FHL2: variants seen among roughly 807,000 people sequenced by gnomAD.
FHL2 encodes the protein four and a half LIM domains protein 2.
FHL2 carries 20 observed loss-of-function variants against 32.7 expected under a neutral mutation model. The ratio of observed to expected loss-of-function variants is 0.61; its 90% CI spans 0.43 to 0.89. The LOEUF (loss-of-function observed/expected upper bound fraction) is 0.89, where lower values mean the gene tolerates loss of function less well. Among genes scored for constraint, FHL2 ranks in the 40% least tolerant of loss-of-function variants. The probability of loss-of-function intolerance (pLI) is 0.00; values close to 1 mark genes in which losing one functional copy is unlikely to be tolerated. For missense variants in FHL2, 311 were observed against 358.6 expected, an observed-to-expected ratio of 0.87 and a Z score of 1.07; for synonymous variants, 123 against 128.1, an observed-to-expected ratio of 0.96 and a Z score of 0.27.
chr2:105,418,252 C>T (rs1345427625), intron 1 of FHL2, among the ~76,000 whole-genome samples: 2 of 152,068 alleles, frequency 1.3e-5, no homozygotes, highest in African/African-American at 2.4e-5. Flanking sequence ...TAGTGCTGGG[C>T]TTGTTAAGCT....
At chr2:105,426,224 G>A (rs1319400778) in intron 1 of FHL2, among the ~76,000 whole-genome samples, 2 of 152,182 alleles carry the variant, frequency 1.3e-5, no homozygotes, top group African/African-American at 4.8e-5. Flanking sequence ...CCATAAGGAA[G>A]TGAGAAGAAA....
At chr2:105,362,689 G>A (rs570564645) in intron 6 of FHL2, among the ~76,000 whole-genome samples, 33 of 152,206 alleles carry the variant, frequency 2.2e-4, no homozygotes, top group Non-Finnish European at 4.4e-4. Flanking sequence ...GGACTTTAGT[G>A]TGAACTCCTC....
At chr2:105,437,895 A>G (rs1684659777) in intron 1 of FHL2, among the ~76,000 whole-genome samples, 1 of 152,154 alleles carries the variant, frequency 6.6e-6, no homozygotes, top group African/African-American at 2.4e-5. Context: ...GCATAAACAC[A>G]CTTTCCCAGA....
At chr2:105,433,478 G>A (rs1025073797) in intron 1 of FHL2, among the ~76,000 whole-genome samples, 12 of 152,266 alleles carry the variant, frequency 7.9e-5, no homozygotes, top group East Asian at 5.8e-4. Context: ...CACCGCGCCC[G>A]GCTTCATTTT....
intron 1 of FHL2, among the ~76,000 whole-genome samples, chr2:105,414,842 T>G (rs1414779479): frequency 6.6e-6 from 1 of 152,220 alleles, no homozygotes; most frequent in Non-Finnish European, 1.5e-5. Flanking sequence ...TGTGAGCCAC[T>G]GTGCCTGGCC....
chr2:105,419,585 T>C (rs1208837998), intron 1 of FHL2, among the ~76,000 whole-genome samples: 1 of 152,214 alleles, frequency 6.6e-6, no homozygotes, highest in African/African-American at 2.4e-5. Context: ...ACCTCACCAA[T>C]ATCACCCTTA....
intron 1 of FHL2, among the ~76,000 whole-genome samples, chr2:105,437,673 C>T (rs1490590962): frequency 6.6e-6 from 1 of 152,024 alleles, no homozygotes; most frequent in Non-Finnish European, 1.5e-5. Flanking sequence ...TGGAGTCTGG[C>T]TAGAGGATGT....
chr2:105,435,249 T>G, intron 1 of FHL2, among the ~76,000 whole-genome samples: 1 of 152,212 alleles, frequency 6.6e-6, no homozygotes, highest in East Asian at 1.9e-4. Flanking sequence ...TTTGAGCTAT[T>G]GCACTGTTTA....
intron 1 of FHL2, among the ~76,000 whole-genome samples, chr2:105,431,996 T>C (rs895782872): frequency 1.3e-5 from 2 of 152,248 alleles, no homozygotes; most frequent in East Asian, 1.9e-4. Context: ...TCAGTCCTTC[T>C]ACCCAACTTT....
intron 4 of FHL2, among the ~76,000 whole-genome samples, chr2:105,369,022 G>A (rs1337661475): frequency 6.6e-6 from 1 of 152,110 alleles, no homozygotes; most frequent in East Asian, 1.9e-4. Context: ...GCAGCTGTGT[G>A]CAGTTGTGCA....
chr2:105,413,004 G>C (rs945459840), intron 1 of FHL2, among the ~76,000 whole-genome samples: 6 of 152,200 alleles, frequency 3.9e-5, no homozygotes, highest in African/African-American at 1.4e-4. Context: ...CTGAGGCCCA[G>C]AGAGGGCAAA....
intron 1 of FHL2, among the ~76,000 whole-genome samples, chr2:105,419,233 T>C (rs1173796300): frequency 6.6e-6 from 1 of 152,198 alleles, no homozygotes; most frequent in Non-Finnish European, 1.5e-5. Context: ...TCATAGGTTT[T>C]TCGGAACTGG....
chr2:105,378,094 G>A (rs1284975626), intron 3 of FHL2: 1 of 467,438 alleles, frequency 2.1e-6, no homozygotes, highest in South Asian at 1.6e-5. Context: ...GTCCCCAGAT[G>A]GAGGAAAGAG....
At chr2:105,378,189 A>G (rs747652707) in intron 3 of FHL2, 4 of 470,926 alleles carry the variant, frequency 8.5e-6, no homozygotes, top group Admixed American at 4.7e-5. Flanking sequence ...CATTTTTCCT[A>G]CAGTTAATAT....
chr2:105,423,848 T>G (rs1051380805), intron 1 of FHL2, among the ~76,000 whole-genome samples: 2 of 152,174 alleles, frequency 1.3e-5, no homozygotes, highest in African/African-American at 4.8e-5. Context: ...ACTGGATCCC[T>G]TCCTTACACC....
At chr2:105,391,838 C>T (rs527356018) in intron 2 of FHL2, among the ~76,000 whole-genome samples, 2 of 152,346 alleles carry the variant, frequency 1.3e-5, no homozygotes, top group African/African-American at 4.8e-5. Context: ...AATTCCTGCT[C>T]CTTAGCTGGT....
At chr2:105,421,920 C>A (rs539206940) in intron 1 of FHL2, among the ~76,000 whole-genome samples, 14 of 152,316 alleles carry the variant, frequency 9.2e-5, no homozygotes, top group African/African-American at 3.1e-4. Flanking sequence ...CTATTACCCA[C>A]CATGCTAGTT....
At position 105,386,416 on chromosome 2, in the gene FHL2, G is replaced by T. The variant is rs1169691438; in HGVS notation, c.101C>A (p.Thr34Asn). 1.9e-6 allele frequency: 3 copies of T among 1,614,096 alleles called. No homozygotes were observed. Among genetic ancestry groups the T allele is most frequent in the South Asian group, 1.1e-5 (1 of 91,090 alleles). Reference protein sequence around the residue: ...ESPYCVVCFETLFANTCEECG... With the variant: ...ESPYCVVCFENLFANTCEECG... ...CTCCTCGCAGGTGTTGGCGAACAGG[G>T]TCTCAAAGCACACCACGCAGTAGGG... The change falls in exon 3 of 7, where the codon ACC (threonine) becomes AAC (asparagine). Residue 34 changes from threonine to asparagine, a missense_variant. Thr to Asn is a moderately conservative substitution (Grantham distance 65, BLOSUM62 0). Transcript: ENST00000530340.
chr2:105,390,009 A>C (rs1417842150), intron 2 of FHL2: 1 of 152,324 alleles, frequency 6.6e-6, no homozygotes, highest in Admixed American at 6.5e-5. Flanking sequence ...CGGGTGAAAC[A>C]CGAGGTCAGG....
Sources: allele counts gnomAD v4.1 joint callset (sites outside exome capture counted in the v4.1 genomes callset), GRCh38; gene constraint gnomAD v4.1.1; transcripts MANE v1.5; gene names NCBI Gene and HGNC (gene_info 2026-07-23, HGNC 2026-07-21).